GLDC: variants seen among roughly 807,000 people sequenced by gnomAD.
GLDC encodes glycine decarboxylase.
Under a neutral mutation model 121.3 loss-of-function variants are expected in GLDC, and 104 were observed. The ratio of observed to expected loss-of-function variants is 0.86; its 90% CI spans 0.73 to 1.01. The LOEUF is 1.01. Ranked by LOEUF, GLDC falls within the 50% of genes least tolerant of loss-of-function variation. GLDC has a pLI of 0.00. For synonymous variants in GLDC, 546 were observed against 480.6 expected (o/e 1.14, Z -1.78); for missense variants, 1,429 against 1,306.6 (o/e 1.09, Z -1.44).
intron 7 of GLDC, among the ~76,000 whole-genome samples, chr9:6,602,661 G>C (rs1346780209): frequency 6.6e-6 from 1 of 151,846 alleles, no homozygotes; most frequent in African/African-American, 2.4e-5. Flanking sequence ...CAGGATTACT[G>C]ATTTTTAGAC....
chr9:6,550,845 G>C lies in GLDC; in HGVS notation c.2527C>G (p.Arg843Gly). The change falls in exon 21 of 25, where the codon CGA becomes GGA. Residue 843 changes from arginine to glycine, a missense_variant. Physicochemically the swap from Arg to Gly is moderately radical, Grantham distance 125. Transcript: ENST00000321612. ...AGAATTCTGTAGTGTGTTTCTAATC[G>C]CTTGGCCATGTAGTTGGCATTTAAT... is the stretch of plus-strand genomic sequence containing the variant. ...AILNANYMAK[R>G]LETHYRILFR... 1 of 1,613,278 alleles carries C rather than the reference G, an allele frequency of 6.2e-7. No individual in the cohort carries two copies. The highest frequency in any genetic ancestry group is 8.5e-7 in the Non-Finnish European group (1 of 1,179,286).
chr9:6,562,729 T>G (rs1026614827), intron 16 of GLDC, among the ~76,000 whole-genome samples: 2 of 152,014 alleles, frequency 1.3e-5, no homozygotes, highest in Non-Finnish European at 2.9e-5. Context: ...CCTGGCTAAT[T>G]TTTGTGTTTT....
intron 16 of GLDC, among the ~76,000 whole-genome samples, chr9:6,560,254 T>C (rs181756360): frequency 1.3e-5 from 2 of 152,344 alleles, no homozygotes; most frequent in African/African-American, 4.8e-5. Context: ...ATGGGCATTA[T>C]TGAAAATAGG....
At position 6,535,808 on chromosome 9, in the gene GLDC, A is replaced by G. The variant is rs1817114649; in HGVS notation, c.2838+256T>C. 5 of 515,406 alleles carry G rather than the reference A, an allele frequency of 9.7e-6. No individual in the cohort carries two copies. In the South Asian group the frequency reaches 1.1e-4, roughly 11 times the overall value. 31.9% of individuals were successfully genotyped at this position (515,406 alleles called of 1,614,324 possible). ...ATAATCTCACTACAGTACATCAAAC[A>G]GAGATGCAGAATGTTACAAATTCTC... On this transcript the variant is annotated intron_variant, in intron 23 of 24. Coordinates refer to ENST00000321612, the MANE Select transcript of GLDC (RefSeq NM_000170.3).
At chr9:6,611,366 G>A (rs1818848861) in intron 3 of GLDC, among the ~76,000 whole-genome samples, 2 of 152,106 alleles carry the variant, frequency 1.3e-5, no homozygotes. Context: ...GACCATCCTG[G>A]CTAACATGGT....
intron 2 of GLDC, among the ~76,000 whole-genome samples, chr9:6,633,192 G>C (rs1171062500): frequency 6.6e-6 from 1 of 152,060 alleles, no homozygotes; most frequent in Non-Finnish European, 1.5e-5. Context: ...TCGAGAATAC[G>C]ACACAGGGGT....
intron 17 of GLDC, chr9:6,558,296 G>C (rs10975642): frequency 1.7e-6 from 1 of 602,562 alleles, no homozygotes; most frequent in South Asian, 2.0e-5. Context: ...AGATTGGGCA[G>C]AAAGAGGCAG....
intron 2 of GLDC, 104 bp downstream of exon 2, chr9:6,644,510 C>T: frequency 3.8e-6 from 3 of 790,294 alleles, no homozygotes; most frequent in South Asian, 2.8e-5. Flanking sequence ...CCACACATTC[C>T]CAGTCCTGAG....
At chr9:6,553,249 A>G in intron 20 of GLDC, 119 bp downstream of exon 20, 1 of 899,266 alleles carries the variant, frequency 1.1e-6, no homozygotes, top group Non-Finnish European at 1.8e-6. Context: ...TATTCTTTGA[A>G]CCACATCTCA....
chr9:6,634,980 G>C (rs1217254274), intron 2 of GLDC, among the ~76,000 whole-genome samples: 1 of 152,064 alleles, frequency 6.6e-6, no homozygotes, highest in African/African-American at 2.4e-5. Context: ...TCCATATTGT[G>C]GCCCCATACC....
intron 22 of GLDC, among the ~76,000 whole-genome samples, chr9:6,537,283 T>A (rs1402148965): frequency 6.6e-6 from 1 of 152,124 alleles, no homozygotes; most frequent in Non-Finnish European, 1.5e-5. Context: ...CCTCCCAATA[T>A]GCAGAGATAA....
intron 2 of GLDC, among the ~76,000 whole-genome samples, chr9:6,625,397 G>T (rs1262333643): frequency 2.0e-5 from 3 of 152,186 alleles, no homozygotes; most frequent in Non-Finnish European, 4.4e-5. Context: ...CATGCCTGGA[G>T]AAAAATAATA....
intron 20 of GLDC, among the ~76,000 whole-genome samples, chr9:6,551,512 G>A (rs933070660): frequency 9.2e-5 from 14 of 152,148 alleles, no homozygotes; most frequent in African/African-American, 3.4e-4. Context: ...TACCTCACAT[G>A]TGATGGAGTT....
At chr9:6,577,541 C>G (rs1428116628) in intron 15 of GLDC, among the ~76,000 whole-genome samples, 2 of 152,238 alleles carry the variant, frequency 1.3e-5, no homozygotes, top group African/African-American at 4.8e-5. Flanking sequence ...ATAAAAATAT[C>G]TTTTTTGAAT....
At chr9:6,575,938 C>G (rs1818056065) in intron 15 of GLDC, among the ~76,000 whole-genome samples, 1 of 152,176 alleles carries the variant, frequency 6.6e-6, no homozygotes, top group Non-Finnish European at 1.5e-5. Flanking sequence ...TGGCTGTTTT[C>G]TACACCAAGC....
intron 2 of GLDC, among the ~76,000 whole-genome samples, chr9:6,642,419 T>A (rs1819648333): frequency 6.6e-6 from 1 of 152,036 alleles, no homozygotes; most frequent in African/African-American, 2.4e-5. Flanking sequence ...TAATCCCAGC[T>A]ACTCAGGAGG....
intron 21 of GLDC, among the ~76,000 whole-genome samples, chr9:6,542,885 C>CAAAAAA (rs5896153): frequency 1.6e-5 from 1 of 61,392 alleles, no homozygotes; most frequent in Non-Finnish European, 2.9e-5. Context: ...GACCTTTTCT[C>CAAAAAA]AAAAAAAAAA....
At chr9:6,605,710 C>T (rs1355802576) in intron 5 of GLDC, among the ~76,000 whole-genome samples, 1 of 152,112 alleles carries the variant, frequency 6.6e-6, no homozygotes, top group African/African-American at 2.4e-5. Flanking sequence ...ATGTCAGAAA[C>T]CCCCCCTCTG....
At chr9:6,620,381 G>T in intron 2 of GLDC, 62 bp from the exon 3 acceptor site, 1 of 1,360,952 alleles carries the variant, frequency 7.3e-7, no homozygotes, top group Non-Finnish European at 1.1e-6. Context: ...TCTAATTACA[G>T]TTTAAATCCC....
Sources: allele counts gnomAD v4.1 joint callset (sites outside exome capture counted in the v4.1 genomes callset), GRCh38; gene constraint gnomAD v4.1.1; transcripts MANE v1.5; gene names NCBI Gene and HGNC (gene_info 2026-07-23, HGNC 2026-07-21).